The following MAGT1 variants were observed in gnomAD, a reference collection of about 807,000 sequenced individuals.
The protein encoded by MAGT1 is dolichyl-diphosphooligosaccharide--protein glycosyltransferase subunit MAGT1.
Under a neutral mutation model 28.4 loss-of-function variants are expected in MAGT1, and 4 were observed. That is an observed-to-expected ratio of 0.14 (90% CI 0.07 to 0.32). The LOEUF is 0.32. MAGT1 is among the 10% of genes least tolerant of loss of function. The pLI, the probability that MAGT1 is intolerant of heterozygous loss-of-function variation, is 1.00. For synonymous variants in MAGT1, 89 were observed against 89.7 expected (o/e 0.99, Z 0.04); for missense variants, 193 against 264.5 (o/e 0.73, Z 1.88).
intron 1 of MAGT1, among the ~76,000 whole-genome samples, chrX:77,882,527 C>T (rs1165453051): frequency 9.0e-6 from 1 of 111,625 alleles, no homozygotes; most frequent in African/African-American, 3.3e-5. Flanking sequence ...GGTATTTACA[C>T]AGTTTTACAT....
chrX:77,890,224 A>C (rs2077078608), intron 1 of MAGT1, among the ~76,000 whole-genome samples: 1 of 112,304 alleles, frequency 8.9e-6, no homozygotes, highest in South Asian at 3.6e-4. Flanking sequence ...ATCATCTACC[A>C]GTCTTCAGAT....
At chrX:77,847,559 T>C (rs1280157993) in intron 7 of MAGT1, among the ~76,000 whole-genome samples, 1 of 111,359 alleles carries the variant, frequency 9.0e-6, no homozygotes, top group Non-Finnish European at 1.9e-5. Context: ...CTGTTCCTAT[T>C]AGGCCATCTT....
chrX:77,847,395 C>T (rs184258447), intron 7 of MAGT1, among the ~76,000 whole-genome samples: 168 of 112,140 alleles, frequency 1.5e-3, no homozygotes, highest in African/African-American at 5.4e-3. Context: ...TGGGGCGATG[C>T]CTCGCCCTGC....
At chrX:77,855,680 G>A (rs2076979721) in intron 5 of MAGT1, 90 bp from the exon 6 acceptor site, 1 of 648,817 alleles carries the variant, frequency 1.5e-6, no homozygotes, top group Admixed American at 3.1e-5. Context: ...CATCTGTTTA[G>A]TTAAGACATA....
chrX:77,868,681 G>T (rs922450237), intron 3 of MAGT1: 1 of 302,418 alleles, frequency 3.3e-6, no homozygotes, highest in South Asian at 3.1e-5. Context: ...TTAACCAGGC[G>T]TGGTGGCAAG....
intron 1 of MAGT1, among the ~76,000 whole-genome samples, chrX:77,888,022 C>A (rs1287012485): frequency 9.0e-6 from 1 of 111,450 alleles, no homozygotes; most frequent in Non-Finnish European, 1.9e-5. Context: ...GTTGGCCAGG[C>A]TGGTCTCAAA....
rs1157029453 is a variant in MAGT1 at position 77,827,863 on chromosome X, AT to A, written c.*1356del. On this transcript the variant is annotated 3_prime_UTR_variant, in exon 10 of 10. Transcript: ENST00000618282. Reference sequence around the variant, plus strand: ...TACACTGATTTTAGCACTAAGCTATATTTTTATCACAGATGGGTCACCTTAA... The same window carrying A: ...TACACTGATTTTAGCACTAAGCTATATTTTATCACAGATGGGTCACCTTAA... 3 of 111,795 alleles carry A rather than the reference AT, an allele frequency of 2.7e-5. No homozygotes were observed. Among genetic ancestry groups the A allele is most frequent in the Non-Finnish European group, 5.6e-5 (3 of 53,180 alleles). The allele number at this position is 111,795 out of a possible 1,213,427, so 9.2% of individuals were successfully genotyped here. A position where few individuals can be genotyped will look rare whatever the true frequency, so the allele number is the denominator to read the frequency against.
chrX:77,875,378 G>A (rs782532225), intron 2 of MAGT1, 50 bp downstream of exon 2: 1 of 1,159,963 alleles, frequency 8.6e-7, no homozygotes, highest in Non-Finnish European at 1.2e-6. Context: ...TTGAGAAATG[G>A]TTAACGTTAT....
Position 77,856,705 on chromosome X carries a change from A to G in MAGT1, c.672+28T>C, listed in dbSNP as rs374429623. 1.1e-5 allele frequency: 13 copies of G among 1,195,043 alleles called. No homozygotes were observed. In the African/African-American group the frequency reaches 2.3e-4, roughly 21 times the overall value. On this transcript the variant is annotated intron_variant, in intron 5 of 9. Transcript: ENST00000618282. ...ACACTATTAGGAATTTTATTCAAAT[A>G]ATTTTTTGTCTTCTGAAATTCACTC...
At chrX:77,864,681 G>A (rs782808123) in intron 3 of MAGT1, among the ~76,000 whole-genome samples, 2 of 106,577 alleles carry the variant, frequency 1.9e-5, no homozygotes, top group Non-Finnish European at 3.9e-5. Flanking sequence ...AAAAATAACT[G>A]CAGCCTAAAT....
intron 1 of MAGT1, among the ~76,000 whole-genome samples, chrX:77,886,639 G>A (rs782468554): frequency 4.2e-4 from 46 of 109,810 alleles, no homozygotes; most frequent in South Asian, 7.7e-4. Flanking sequence ...GAGCAACATA[G>A]TTAGATTCCA....
intron 8 of MAGT1, among the ~76,000 whole-genome samples, chrX:77,836,551 T>G (rs1557213936): frequency 8.9e-6 from 1 of 111,833 alleles, no homozygotes; most frequent in Admixed American, 9.6e-5. Flanking sequence ...ATAAAATACT[T>G]TTCCTGAGTA....
chrX:77,894,653 C>G (rs1248036993), intron 1 of MAGT1, among the ~76,000 whole-genome samples: 2 of 111,900 alleles, frequency 1.8e-5, no homozygotes, highest in Admixed American at 9.5e-5. Flanking sequence ...ATTCCTCTAC[C>G]TGGATTGCTT....
chrX:77,882,706 C>T (rs1964836348), intron 1 of MAGT1, among the ~76,000 whole-genome samples: 1 of 110,242 alleles, frequency 9.1e-6, no homozygotes, highest in Non-Finnish European at 1.9e-5. Context: ...GTGGTTCAAG[C>T]CTGTAATCCC....
chrX:77,853,465 A>T (rs1392789805), intron 7 of MAGT1, among the ~76,000 whole-genome samples: 1 of 112,158 alleles, frequency 8.9e-6, no homozygotes, highest in Non-Finnish European at 1.9e-5. Flanking sequence ...TCCCACATTT[A>T]TGTTAACTTT....
Position 77,826,441 on chromosome X carries a change from T to C in MAGT1, c.*2779A>G, listed in dbSNP as rs2076883116. 8.9e-6 allele frequency: 1 copy of C among 112,455 alleles called. No individual in the cohort carries two copies. The highest frequency in any genetic ancestry group is 1.9e-5 in the Non-Finnish European group (1 of 53,211). The allele number at this position is 112,455 out of a possible 1,213,427, so 9.3% of individuals were successfully genotyped here. On this transcript the variant is annotated 3_prime_UTR_variant, in exon 10 of 10. Transcript: ENST00000618282. ...TGGTTATCTTTGCCACTACAATGTG[T>C]CATTCTGAACTGTATCTTAAAAATG... is the stretch of plus-strand genomic sequence containing the variant.
intron 9 of MAGT1, among the ~76,000 whole-genome samples, chrX:77,830,247 A>G (rs1201831122): frequency 8.9e-6 from 1 of 112,255 alleles, no homozygotes; most frequent in African/African-American, 3.2e-5. Flanking sequence ...GCTTGAGCTC[A>G]GGAGTTCAAG....
rs782783099 is a variant in MAGT1, at chrX:77,875,697, G to A, written c.103-100C>T. ...CTTAAAACCAATACTAACAAGCAGA[G>A]GTATACAGAAAATGTGAGACCTAAA... On this transcript the variant is annotated intron_variant, in intron 1 of 9. Coordinates refer to ENST00000618282, the MANE Select transcript of MAGT1 (RefSeq NM_001367916.1). 13 of 891,864 alleles carry A rather than the reference G, an allele frequency of 1.5e-5. No homozygotes were observed. In the Admixed American group the frequency reaches 3.2e-4, roughly 22 times the overall value. 73.5% of individuals were successfully genotyped at this position (891,864 alleles called of 1,213,427 possible).
chrX:77,830,855 G>A lies in MAGT1; in HGVS notation c.942C>T (p.Phe314=). ...VAGIGLVVLF[F]SWMLSIFRSK... ...ATCTAAAAATAGAGAGCATCCAACTGAAGAATAATACAACAAGTCCAATAC... is the reference window on the plus strand; with the variant it reads ...ATCTAAAAATAGAGAGCATCCAACTAAAGAATAATACAACAAGTCCAATAC... Residue 314 remains phenylalanine, a synonymous_variant, in exon 9 of 10, where the codon TTC becomes TTT. Transcript: ENST00000618282. 8.6e-7 allele frequency: 1 copy of A among 1,161,072 alleles called. No homozygotes were observed.
Sources: allele counts gnomAD v4.1 joint callset (sites outside exome capture counted in the v4.1 genomes callset), GRCh38; gene constraint gnomAD v4.1.1; transcripts MANE v1.5; gene names NCBI Gene and HGNC (gene_info 2026-07-23, HGNC 2026-07-21).